Variants in CNTNAP2 observed in about 807,000 individuals in gnomAD.
The protein encoded by CNTNAP2 is contactin-associated protein-like 2.
In CNTNAP2, 98 loss-of-function variants were observed where a neutral mutation model predicts 155.2. The observed-to-expected ratio is 0.63, with a 90% CI of 0.54 to 0.75. The LOEUF (loss-of-function observed/expected upper bound fraction) is 0.75. CNTNAP2 is among the 30% of genes least tolerant of loss of function. CNTNAP2 has a pLI of 0.00. For synonymous variants in CNTNAP2, 651 were observed against 631.2 expected (o/e 1.03, Z -0.47); for missense variants, 1,727 against 1,688.1 (o/e 1.02, Z -0.40).
At chr7:147,045,447 G>A (rs1262157982) in intron 4 of CNTNAP2, among the ~76,000 whole-genome samples, 3 of 152,132 alleles carry the variant, frequency 2.0e-5, no homozygotes, top group Non-Finnish European at 4.4e-5. Flanking sequence ...ATAGTGTTAT[G>A]TGCAAACTAC....
intron 15 of CNTNAP2, among the ~76,000 whole-genome samples, chr7:148,109,030 A>G (rs1304458136): frequency 6.6e-6 from 1 of 152,198 alleles, no homozygotes; most frequent in Non-Finnish European, 1.5e-5. Context: ...GAAAAGCCTC[A>G]GGGTTTGTCG....
At chr7:147,274,089 A>G (rs1409706729) in intron 8 of CNTNAP2, among the ~76,000 whole-genome samples, 2 of 151,748 alleles carry the variant, frequency 1.3e-5, no homozygotes, top group African/African-American at 4.8e-5. Context: ...TTTCCTAGTC[A>G]TCTGTTGATA....
At position 147,117,942 on chromosome 7, in the gene CNTNAP2, A is replaced by G. The variant is rs572532029; in HGVS notation, c.755-3037A>G. Among the ~76,000 whole-genome samples, 15 of 152,294 alleles carry G rather than the reference A, an allele frequency of 9.8e-5. No homozygotes were observed. The South Asian group carries it at 2.9e-3, about 29-fold the overall frequency. ...ATATTATTTTTTACATTAAAATAAA[A>G]GTAACATTAAAATGCATGCAAAACC... On this transcript the variant is annotated intron_variant, in intron 5 of 23. Transcript: ENST00000361727.
Position 148,415,895 on chromosome 7 carries a change from C to A in CNTNAP2, c.*279C>A, listed in dbSNP as rs987456. The stretch of plus-strand genomic sequence containing the variant: ...AAGCAATGGTTGAAATTTGTAGGTA[C>A]TATCTGTCTTATTTTGTGTGTGTTT... On this transcript the variant is annotated 3_prime_UTR_variant, in exon 24 of 24. Coordinates refer to ENST00000361727, the MANE Select transcript of CNTNAP2 (RefSeq NM_014141.6). The A allele has an allele frequency of 0.76, 416,945 of 545,628 alleles. 161,774 individuals carry two copies. The highest frequency in any genetic ancestry group is 0.82 in the Admixed American group (25,350 of 30,806). 33.8% of individuals were successfully genotyped at this position (545,628 alleles called of 1,614,324 possible).
chr7:146,971,577 G>C (rs981146096), intron 3 of CNTNAP2, among the ~76,000 whole-genome samples: 4 of 152,168 alleles, frequency 2.6e-5, no homozygotes, highest in African/African-American at 9.6e-5. Context: ...TCCAAACTCA[G>C]GTTGCCAGCG....
intron 13 of CNTNAP2, among the ~76,000 whole-genome samples, chr7:147,688,840 A>G (rs1184277040): frequency 2.0e-5 from 3 of 152,170 alleles, no homozygotes; most frequent in Non-Finnish European, 4.4e-5. Flanking sequence ...ACCTAACTTA[A>G]CCACATGAAA....
chr7:148,118,266 T>A lies in CNTNAP2; in HGVS notation c.2532T>A (p.Asp844Glu). 6.2e-7 allele frequency: 1 copy of A among 1,614,160 alleles called. No individual in the cohort carries two copies. The highest frequency in any genetic ancestry group is 8.5e-7 in the Non-Finnish European group (1 of 1,180,022). Residue 844 changes from aspartate (D) to glutamate (E), a missense_variant, in exon 16 of 24, where the codon GAT (aspartate) becomes GAA (glutamate). By Grantham distance (45) the Asp-to-Glu change is conservative. Transcript: ENST00000361727. The stretch of plus-strand genomic sequence containing the variant: ...TTCTTGAAAATATGGGAAAGGAAGA[T>A]TTCATCAAGCTGGAGCTGAAGTGTG... ...GVFLENMGKE[D>E]FIKLELKSAT...
intron 13 of CNTNAP2, among the ~76,000 whole-genome samples, chr7:147,691,009 A>G (rs572829361): frequency 6.6e-6 from 1 of 152,240 alleles, no homozygotes; most frequent in Non-Finnish European, 1.5e-5. Flanking sequence ...ATCCAAAATA[A>G]ATTTTGGTTG....
chr7:146,266,056 G>A (rs1799989414), intron 1 of CNTNAP2, among the ~76,000 whole-genome samples: 1 of 152,020 alleles, frequency 6.6e-6, no homozygotes, highest in Non-Finnish European at 1.5e-5. Context: ...TTTACTGTTA[G>A]GGAAAGCCAG....
intron 8 of CNTNAP2, among the ~76,000 whole-genome samples, chr7:147,296,214 T>C (rs1386734365): frequency 6.6e-6 from 1 of 152,192 alleles, no homozygotes. Context: ...AAACTGTATT[T>C]CATAGCAGGG....
At chr7:148,272,748 A>G (rs996817326) in intron 21 of CNTNAP2, among the ~76,000 whole-genome samples, 7 of 152,232 alleles carry the variant, frequency 4.6e-5, no homozygotes, top group Non-Finnish European at 1.0e-4. Context: ...GCAATGTTAC[A>G]TGGTGATGGA....
chr7:146,489,088 G>A (rs1797101215), intron 1 of CNTNAP2, among the ~76,000 whole-genome samples: 1 of 152,146 alleles, frequency 6.6e-6, no homozygotes, highest in Non-Finnish European at 1.5e-5. Context: ...TTTTTCAGCA[G>A]TTTGGGGCCA....
intron 13 of CNTNAP2, among the ~76,000 whole-genome samples, chr7:147,819,687 A>G (rs912083599): frequency 6.6e-6 from 1 of 152,182 alleles, no homozygotes. Context: ...TGTCATGCCA[A>G]TTCCTAGGTC....
At chr7:148,400,452 G>A (rs916412510) in intron 22 of CNTNAP2, among the ~76,000 whole-genome samples, 3 of 152,222 alleles carry the variant, frequency 2.0e-5, no homozygotes, top group East Asian at 1.9e-4. Context: ...AAGAAGCCGC[G>A]ACAAACCTCA....
chr7:147,500,796 T>A (rs1046104379), intron 11 of CNTNAP2, among the ~76,000 whole-genome samples: 6 of 152,210 alleles, frequency 3.9e-5, no homozygotes, highest in Non-Finnish European at 7.3e-5. Flanking sequence ...TTATTTTCAT[T>A]TGGTAATGTT....
intron 13 of CNTNAP2, among the ~76,000 whole-genome samples, chr7:147,692,497 T>G (rs1360725354): frequency 6.6e-6 from 1 of 152,126 alleles, no homozygotes; most frequent in Non-Finnish European, 1.5e-5. Flanking sequence ...CTGTCATTGC[T>G]TCACATTCTT....
chr7:148,276,074 C>T (rs1796866062), intron 21 of CNTNAP2, among the ~76,000 whole-genome samples: 1 of 152,170 alleles, frequency 6.6e-6, no homozygotes, highest in South Asian at 2.1e-4. Flanking sequence ...GCTTTACCAG[C>T]AGGGCCACAT....
intron 11 of CNTNAP2, among the ~76,000 whole-genome samples, chr7:147,519,897 A>AT (rs1196637925): frequency 6.6e-6 from 1 of 152,072 alleles, no homozygotes; most frequent in Non-Finnish European, 1.5e-5. Context: ...AAAATCAAAT[A>AT]TTTTTTTACT....
At chr7:147,850,801 C>A (rs2116667710) in intron 13 of CNTNAP2, among the ~76,000 whole-genome samples, 1 of 152,224 alleles carries the variant, frequency 6.6e-6, no homozygotes, top group Non-Finnish European at 1.5e-5. Context: ...AAATGTTAGA[C>A]CTAAAACCAT....
Sources: allele counts gnomAD v4.1 joint callset (sites outside exome capture counted in the v4.1 genomes callset), GRCh38; gene constraint gnomAD v4.1.1; transcripts MANE v1.5; gene names NCBI Gene and HGNC (gene_info 2026-07-23, HGNC 2026-07-21).